The following RSPH10B variants were observed in gnomAD, a reference collection of about 807,000 sequenced individuals.
RSPH10B encodes the protein radial spoke head 10 homolog B (Chlamydomonas).
A neutral mutation model predicts 52.5 loss-of-function variants in RSPH10B; 7 were observed. The ratio of observed to expected loss-of-function variants is 0.13; its 90% CI spans 0.08 to 0.25. RSPH10B has a LOEUF of 0.25. Ranked by LOEUF, RSPH10B falls within the 10% of genes least tolerant of loss-of-function variation. The pLI, the probability that RSPH10B is intolerant of heterozygous loss-of-function variation, is 1.00. For synonymous variants in RSPH10B, 28 were observed against 193.2 expected, an observed-to-expected ratio of 0.14 and a Z score of 7.09; for missense variants, 89 against 542.5, an observed-to-expected ratio of 0.16 and a Z score of 8.30.
At chr7:5,931,272 T>C (rs1779749620) in intron 17 of RSPH10B, among the ~76,000 whole-genome samples, 1 of 150,090 alleles carries the variant, frequency 6.7e-6, no homozygotes, top group Non-Finnish European at 1.5e-5. Flanking sequence ...GCAGCACATG[T>C]GTGCCGATGG....
intron 17 of RSPH10B, among the ~76,000 whole-genome samples, chr7:5,928,948 G>A (rs1236018357): frequency 6.8e-6 from 1 of 147,428 alleles, no homozygotes; most frequent in Non-Finnish European, 1.5e-5. Context: ...TCTATCTTAA[G>A]AATTTGGGTT....
intron 18 of RSPH10B, among the ~76,000 whole-genome samples, chr7:5,927,070 ATGTGTGTGTGTGTG>A (rs748036363): frequency 1.8e-5 from 2 of 110,692 alleles, no homozygotes; most frequent in Non-Finnish European, 3.9e-5. Context: ...GTGTGTGTAT[ATGTGTGTGTGTGTG>A]TGTGTGTGTG....
In RSPH10B at chr7:5,927,060, G is replaced by A. The variant is rs1332300902; in HGVS notation, c.2433-512C>T. ...GTGTGTGTGTGTATTATGTGTGTGT[G>A]TGTGTGTATATGTGTGTGTGTGTGT... On this transcript the variant is annotated intron_variant, in intron 18 of 18. Transcript: ENST00000337579. Among the ~76,000 whole-genome samples the A allele has an allele frequency of 3.8e-3, 276 of 72,354 alleles. 1 individual carries two copies. The highest frequency in any genetic ancestry group is 0.018 in the East Asian group (31 of 1,746). 47.5% of individuals were successfully genotyped at this position (72,354 alleles called of 152,430 possible).
At chr7:5,927,066 G>GTATA (rs1227035142) in intron 18 of RSPH10B, among the ~76,000 whole-genome samples, 9,596 of 106,798 alleles carry the variant, frequency 0.09, 280 homozygotes, top group East Asian at 0.32. Flanking sequence ...GTGTGTGTGT[G>GTATA]TATATGTGTG....
intron 18 of RSPH10B, among the ~76,000 whole-genome samples, chr7:5,927,070 A>C (rs987580192): frequency 2.7e-5 from 3 of 110,692 alleles, no homozygotes; most frequent in African/African-American, 9.8e-5. Context: ...GTGTGTGTAT[A>C]TGTGTGTGTG....
At chr7:5,928,627 CTTTTTTGTTTTTTTT>C (rs1162190884) in intron 17 of RSPH10B, among the ~76,000 whole-genome samples, 4 of 135,108 alleles carry the variant, frequency 3.0e-5, no homozygotes, top group Non-Finnish European at 6.3e-5. Context: ...CTCGTTTTTT[CTTTTTTGTTTTTTTT>C]TTTTTTGGAG....
At chr7:5,960,044 A>AACACAC (rs748706641) in intron 4 of RSPH10B, among the ~76,000 whole-genome samples, 3 of 28,516 alleles carry the variant, frequency 1.1e-4, no homozygotes, top group Non-Finnish European at 1.9e-4. Context: ...TCTGCTGTAA[A>AACACAC]ACACACACAC....
intron 17 of RSPH10B, among the ~76,000 whole-genome samples, chr7:5,931,451 C>T (rs1394768549): frequency 4.0e-5 from 6 of 151,494 alleles, no homozygotes; most frequent in African/African-American, 9.7e-5. Context: ...GAGGGCCAGG[C>T]GCGGTGGCTC....
chr7:5,933,748 CAG>C (rs1562561009), intron 16 of RSPH10B, among the ~76,000 whole-genome samples: 3 of 115,170 alleles, frequency 2.6e-5, no homozygotes. Context: ...GCCTGGGCGA[CAG>C]AGCGAGACTC....
At chr7:5,928,633 T>C (rs1250236768) in intron 17 of RSPH10B, among the ~76,000 whole-genome samples, 54 of 125,574 alleles carry the variant, frequency 4.3e-4, no homozygotes, top group African/African-American at 1.6e-3. Flanking sequence ...TTTTCTTTTT[T>C]GTTTTTTTTT....
chr7:5,926,714 C>T (rs199517858), intron 18 of RSPH10B, among the ~76,000 whole-genome samples, 166 bp from the exon 21 acceptor site: 17,028 of 134,014 alleles, frequency 0.13, 314 homozygotes, highest in Admixed American at 0.23. Flanking sequence ...GATGCCATGT[C>T]GACACAGTCC....
exon 19 of RSPH10B, chr7:5,926,183 GGGTCTCACTATGTTGCCCAGGCT>G: frequency 4.2e-6 from 2 of 479,762 alleles, no homozygotes; most frequent in Non-Finnish European, 7.7e-6. Context: ...AGAGATGGGG[GGGTCTCACTATGTTGCCCAGGCT>G]GGTCTCGAAC....
At chr7:5,944,978 G>C (rs1287919812) in intron 11 of RSPH10B, 86 bp downstream of exon 13, 1 of 488,676 alleles carries the variant, frequency 2.0e-6, no homozygotes, top group African/African-American at 2.1e-5. Context: ...AAATAAAAAT[G>C]ACTGCTGAAG....
chr7:5,943,012 C>T (rs549315583), intron 13 of RSPH10B, among the ~76,000 whole-genome samples: 109 of 147,830 alleles, frequency 7.4e-4, no homozygotes, highest in African/African-American at 2.5e-3. Flanking sequence ...GTGATCCGCC[C>T]ACCTCGGCCT....
At chr7:5,958,092 A>T in intron 5 of RSPH10B, 65 bp from the exon 8 acceptor site, 1 of 512,520 alleles carries the variant, frequency 2.0e-6, no homozygotes, top group South Asian at 2.1e-5. Context: ...CCTTTAAGAC[A>T]TTCTTTTAAA....
chr7:5,957,880 A>G (rs756381309), intron 6 of RSPH10B, 27 bp downstream of exon 8: 28 of 1,291,266 alleles, frequency 2.2e-5, no homozygotes, highest in Non-Finnish European at 5.1e-6. Context: ...GCCTCTGGGT[A>G]TAAGCTGCTA....
At chr7:5,927,068 A>ATAT (rs1554284554) in intron 18 of RSPH10B, among the ~76,000 whole-genome samples, 9 of 54,848 alleles carry the variant, frequency 1.6e-4, no homozygotes, top group East Asian at 4.7e-4. Context: ...GTGTGTGTGT[A>ATAT]TATGTGTGTG....
intron 12 of RSPH10B, 74 bp from the exon 15 acceptor site, chr7:5,943,546 T>C (rs1428365566): frequency 1.9e-6 from 3 of 1,585,080 alleles, no homozygotes; most frequent in Non-Finnish European, 2.6e-6. Context: ...TATAATCCTA[T>C]TGCTTTTGTT....
chr7:5,956,927 G>A (rs1465627698), intron 6 of RSPH10B, among the ~76,000 whole-genome samples: 26 of 90,032 alleles, frequency 2.9e-4, no homozygotes, highest in African/African-American at 9.6e-4. Flanking sequence ...TAATCCCAAC[G>A]CTTTGAGAGG....
Sources: allele counts gnomAD v4.1 joint callset (sites outside exome capture counted in the v4.1 genomes callset), GRCh38; gene constraint gnomAD v4.1.1; transcripts MANE v1.5; gene names NCBI Gene and HGNC (gene_info 2026-07-23, HGNC 2026-07-21).